ARHGAP8: variants seen among roughly 807,000 people sequenced by gnomAD.
ARHGAP8 encodes the protein Rho GTPase activating protein 8.
Under a neutral mutation model 46.1 loss-of-function variants are expected in ARHGAP8, and 62 were observed. The ratio of observed to expected loss-of-function variants is 1.34; its 90% CI spans 1.10 to 1.66. The LOEUF is 1.66. Among genes scored for constraint, ARHGAP8 ranks in the 40% most tolerant of loss-of-function variants. ARHGAP8 has a pLI of 0.00. For synonymous variants in ARHGAP8, 375 were observed against 243.1 expected (o/e 1.54, Z -5.05); for missense variants, 923 against 568.4 (o/e 1.62, Z -6.34).
chr22:44,790,341 G>T (rs983572379), intron 2 of ARHGAP8, among the ~76,000 whole-genome samples: 2 of 145,224 alleles, frequency 1.4e-5, no homozygotes, highest in Admixed American at 7.2e-5. Flanking sequence ...ATGGGATGAG[G>T]TTTCCAGGGG....
chr22:44,825,000 A>G (rs1292574558), intron 6 of ARHGAP8, among the ~76,000 whole-genome samples: 1 of 151,336 alleles, frequency 6.6e-6, no homozygotes, highest in African/African-American at 2.4e-5. Flanking sequence ...TTCAGAGTCC[A>G]TCTGTTCATT....
At chr22:44,765,083 A>T (rs1055669843) in intron 1 of ARHGAP8, 1 of 152,334 alleles carries the variant, frequency 6.6e-6, no homozygotes, top group African/African-American at 2.4e-5. Flanking sequence ...TTGGCTTCAG[A>T]GGTGCTGGGC....
chr22:44,777,921 C>G (rs1197725447), intron 1 of ARHGAP8, among the ~76,000 whole-genome samples: 2 of 152,134 alleles, frequency 1.3e-5, no homozygotes, highest in African/African-American at 4.8e-5. Context: ...TTCTCAAACT[C>G]CTGACCTCAG....
chr22:44,855,486 T>G (rs1376784040), intron 10 of ARHGAP8, among the ~76,000 whole-genome samples: 1 of 152,162 alleles, frequency 6.6e-6, no homozygotes, highest in Non-Finnish European at 1.5e-5. Flanking sequence ...TCTTATAACT[T>G]TCATACATAG....
intron 10 of ARHGAP8, chr22:44,850,077 C>T (rs911427554): frequency 1.4e-4 from 21 of 152,160 alleles, no homozygotes; most frequent in African/African-American, 5.1e-4. Flanking sequence ...CCAGCCTGAC[C>T]TCTGGGGAGG....
At chr22:44,822,534 C>G in intron 6 of ARHGAP8, 65 bp downstream of exon 6, 2 of 1,381,486 alleles carry the variant, frequency 1.4e-6, no homozygotes, top group Non-Finnish European at 1.9e-6. Flanking sequence ...GGGCTTGGTT[C>G]AGTCCCATGA....
intron 1 of ARHGAP8, among the ~76,000 whole-genome samples, chr22:44,758,358 G>A (rs1378993871): frequency 6.6e-6 from 1 of 152,186 alleles, no homozygotes; most frequent in Non-Finnish European, 1.5e-5. Context: ...TGTGGCAGAG[G>A]TTGCAGTGAG....
intron 1 of ARHGAP8, among the ~76,000 whole-genome samples, chr22:44,771,093 G>A (rs528487001): frequency 9.2e-5 from 14 of 152,146 alleles, no homozygotes; most frequent in African/African-American, 3.4e-4. Flanking sequence ...TTAATTTTCA[G>A]TTTGTTCTTT....
chr22:44,845,757 G>A (rs1011863122), intron 8 of ARHGAP8, among the ~76,000 whole-genome samples: 1 of 152,186 alleles, frequency 6.6e-6, no homozygotes, highest in African/African-American at 2.4e-5. Flanking sequence ...TTGCCAGTAG[G>A]GTGGGTGCAG....
At chr22:44,812,782 G>C (rs1269968288) in intron 4 of ARHGAP8, among the ~76,000 whole-genome samples, 2 of 152,134 alleles carry the variant, frequency 1.3e-5, no homozygotes, top group Non-Finnish European at 1.5e-5. Flanking sequence ...TTGTTCATAT[G>C]ATGGCAGCCA....
intron 7 of ARHGAP8, among the ~76,000 whole-genome samples, chr22:44,826,228 C>T (rs1602231343): frequency 6.6e-6 from 1 of 152,060 alleles, no homozygotes; most frequent in South Asian, 2.1e-4. Context: ...ATCCCTGATC[C>T]CCGCATCACC....
At chr22:44,847,231 G>A (rs1024329) in intron 8 of ARHGAP8, among the ~76,000 whole-genome samples, 53,998 of 152,108 alleles carry the variant, frequency 0.35, 11,959 homozygotes, top group African/African-American at 0.64. Context: ...GCCAGAGGGA[G>A]CCCTTCCCTC....
At chr22:44,798,057 A>G (rs1046518486) in intron 2 of ARHGAP8, among the ~76,000 whole-genome samples, 1 of 149,558 alleles carries the variant, frequency 6.7e-6, no homozygotes, top group Non-Finnish European at 1.5e-5. Flanking sequence ...GCTCACTGCA[A>G]CCTCCACCTC....
intron 7 of ARHGAP8, among the ~76,000 whole-genome samples, chr22:44,827,844 G>A (rs530805716): frequency 6.6e-6 from 1 of 152,234 alleles, no homozygotes; most frequent in Non-Finnish European, 1.5e-5. Flanking sequence ...TGTGAAGTTG[G>A]CTGGGCATCT....
chr22:44,860,951 T>C (rs1339274499), intron 11 of ARHGAP8, among the ~76,000 whole-genome samples: 1 of 151,706 alleles, frequency 6.6e-6, no homozygotes, highest in Admixed American at 6.6e-5. Context: ...CAATTTTTTT[T>C]CTCCCTGTTG....
chr22:44,860,455 C>T (rs1019181098), intron 11 of ARHGAP8, among the ~76,000 whole-genome samples: 7 of 152,182 alleles, frequency 4.6e-5, no homozygotes, highest in African/African-American at 1.4e-4. Flanking sequence ...TCTAATCTCC[C>T]TCCACCTTTC....
intron 1 of ARHGAP8, chr22:44,777,258 G>T (rs1926495710): frequency 6.6e-6 from 1 of 152,110 alleles, no homozygotes; most frequent in South Asian, 2.1e-4. Flanking sequence ...CTAGGGGCCA[G>T]GGCTGGGCTC....
chr22:44,802,569 G>C (rs2147081579), intron 3 of ARHGAP8, among the ~76,000 whole-genome samples: 1 of 152,318 alleles, frequency 6.6e-6, no homozygotes, highest in East Asian at 1.9e-4. Flanking sequence ...TCAGAGCTGT[G>C]TGAGTTTCCT....
intron 10 of ARHGAP8, among the ~76,000 whole-genome samples, chr22:44,852,969 A>AT (rs2070133899): frequency 6.6e-6 from 1 of 151,984 alleles, no homozygotes; most frequent in Non-Finnish European, 1.5e-5. Context: ...CGCCTGGCTA[A>AT]TTTTTTGTAT....
Sources: gnomAD v4.1 joint callset for allele counts (sites outside exome capture counted in the v4.1 genomes callset) on GRCh38, gnomAD v4.1.1 for gene constraint, MANE v1.5 for transcripts, NCBI Gene and HGNC (gene_info 2026-07-23, HGNC 2026-07-21) for gene names.